The following EXD3 variants were observed in gnomAD, a reference collection of about 807,000 sequenced individuals.
EXD3 encodes the protein exonuclease mut-7 homolog.
EXD3 carries 92 observed loss-of-function variants against 98.0 expected under a neutral mutation model. That is an observed-to-expected ratio of 0.94 (90% CI 0.79 to 1.12). The LOEUF (loss-of-function observed/expected upper bound fraction) is 1.12, where lower values mean the gene tolerates loss of function less well. EXD3 is among the 50% of genes most tolerant of loss of function. EXD3 has a pLI of 0.00. For synonymous variants in EXD3, 569 were observed against 526.0 expected (o/e 1.08, Z -1.12); for missense variants, 1,222 against 1,191.6 (o/e 1.03, Z -0.38).
In EXD3 at chr9:137,373,404, G is replaced by A. The variant is rs1270932372; in HGVS notation, c.294+22C>T. On this transcript the variant is annotated intron_variant, in intron 4 of 21. Transcript: ENST00000340951. ...GGCAGGGGCAGGAAGGGAGGTGACTGTCACAGAACCCATGGGCTCACCTGG... is the reference window on the plus strand; with the variant it reads ...GGCAGGGGCAGGAAGGGAGGTGACTATCACAGAACCCATGGGCTCACCTGG... The A allele has an allele frequency of 3.7e-6, 6 of 1,601,146 alleles. No individual in the cohort carries two copies. The South Asian group carries it at 4.4e-5, about 12-fold the overall frequency.
At chr9:137,318,269 G>A (rs928690796) in intron 19 of EXD3, among the ~76,000 whole-genome samples, 2 of 152,082 alleles carry the variant, frequency 1.3e-5, no homozygotes, top group Admixed American at 6.5e-5. Context: ...CAGGGTCCCT[G>A]CCCAGCCCCA....
chr9:137,353,462 G>C lies in EXD3; in HGVS notation c.871-676C>G, dbSNP rs1320458179. The C allele has an allele frequency of 4.1e-6, 4 of 985,234 alleles. No homozygotes were observed. In the East Asian group the frequency reaches 4.5e-4, roughly 112 times the overall value. 61.0% of individuals were successfully genotyped at this position (985,234 alleles called of 1,614,324 possible). A position where few individuals can be genotyped will look rare whatever the true frequency, so the allele number is the denominator to read the frequency against. On this transcript the variant is annotated intron_variant, in intron 10 of 21. Coordinates refer to ENST00000340951, the MANE Select transcript of EXD3 (RefSeq NM_017820.5). ...CCTCCTCCTCATTATGTGGGGTTTG[G>C]CTGGCAGGGCTCAGGAGGCTATTGG... is the stretch of plus-strand genomic sequence containing the variant.
chr9:137,415,934 G>A (rs944657124), intron 1 of EXD3, among the ~76,000 whole-genome samples: 4 of 152,232 alleles, frequency 2.6e-5, no homozygotes, highest in African/African-American at 9.6e-5. Flanking sequence ...GCAGATGCAC[G>A]TGTGAGGGCC....
chr9:137,420,569 C>T (rs1360887899), intron 1 of EXD3, among the ~76,000 whole-genome samples: 2 of 152,132 alleles, frequency 1.3e-5, no homozygotes, highest in African/African-American at 2.4e-5. Flanking sequence ...TTTGAGGAAT[C>T]GAGGTTCGCT....
chr9:137,387,235 G>A (rs1245483685), intron 2 of EXD3, among the ~76,000 whole-genome samples: 1 of 152,150 alleles, frequency 6.6e-6, no homozygotes, highest in Non-Finnish European at 1.5e-5. Flanking sequence ...TGAGCCCCAG[G>A]GCAGTGACCG....
At chr9:137,318,323 A>AC (rs1414822464) in intron 19 of EXD3, among the ~76,000 whole-genome samples, 2 of 150,770 alleles carry the variant, frequency 1.3e-5, no homozygotes, top group East Asian at 2.0e-4. Context: ...GGCTGCCGGC[A>AC]CCCCCCCTCG....
intron 7 of EXD3, among the ~76,000 whole-genome samples, chr9:137,362,684 T>C (rs1296300583): frequency 1.3e-5 from 2 of 152,070 alleles, no homozygotes; most frequent in South Asian, 2.1e-4. Flanking sequence ...TTAACTTGGG[T>C]TGTTCATTTT....
intron 7 of EXD3, chr9:137,365,996 G>T: frequency 1.7e-6 from 1 of 575,298 alleles, no homozygotes. Flanking sequence ...ATGCACACCT[G>T]CAGGCACACA....
chr9:137,411,150 C>CCG (rs1837977833), intron 1 of EXD3, among the ~76,000 whole-genome samples: 1 of 152,194 alleles, frequency 6.6e-6, no homozygotes. Flanking sequence ...GCCGGCCCCC[C>CCG]GGGTGGGGAG....
Position 137,351,135 on chromosome 9 carries a change from A to C in EXD3, c.1397T>G (p.Val466Gly), listed in dbSNP as rs1458073614. 1.3e-6 allele frequency: 2 copies of C among 1,576,226 alleles called. No homozygotes were observed. The highest frequency in any genetic ancestry group is 8.6e-7 in the Non-Finnish European group (1 of 1,161,856). ...PSITKLGYGMVGDLQKLGTSC... is the reference protein window; with the variant it reads ...PSITKLGYGMGGDLQKLGTSC... ...CGTGCCCAGTTTTTGCAGGTCCCCCACCATCCCGTAGCCTGTGGGCAGGAA... is the reference window on the plus strand; with the variant it reads ...CGTGCCCAGTTTTTGCAGGTCCCCCCCCATCCCGTAGCCTGTGGGCAGGAA... The change falls in exon 14 of 22, where the codon GTG (valine) becomes GGG (glycine). Residue 466 changes from valine (V) to glycine (G), a missense_variant. Transcript: ENST00000340951.
chr9:137,367,774 A>C, intron 6 of EXD3, 162 bp downstream of exon 6: 1 of 628,124 alleles, frequency 1.6e-6, no homozygotes, highest in Non-Finnish European at 2.8e-6. Context: ...CATGAGGAGG[A>C]TGGTGGTTTA....
chr9:137,346,638 G>T (rs1833950351), intron 17 of EXD3, among the ~76,000 whole-genome samples: 1 of 152,352 alleles, frequency 6.6e-6, no homozygotes, highest in South Asian at 2.1e-4. Flanking sequence ...CTGAACCTTC[G>T]ACACTTTTAA....
At chr9:137,323,619 C>G (rs1471542286) in intron 19 of EXD3, 106 bp downstream of exon 19, 1 of 1,355,330 alleles carries the variant, frequency 7.4e-7, no homozygotes, top group East Asian at 2.5e-5. Flanking sequence ...TGCCGACACC[C>G]CACCCCAGAC....
chr9:137,398,445 C>T (rs1837314329), intron 1 of EXD3, among the ~76,000 whole-genome samples: 1 of 152,234 alleles, frequency 6.6e-6, no homozygotes, highest in Admixed American at 6.5e-5. Flanking sequence ...GCACCTCAGG[C>T]AGAACCGCAA....
rs1044886694 is a variant in EXD3, at chr9:137,371,368, C to T, written c.462+1537G>A. Among the ~76,000 whole-genome samples, 79 of 152,206 alleles carry T rather than the reference C, an allele frequency of 5.2e-4. No homozygotes were observed. The highest frequency in any genetic ancestry group is 7.2e-4 in the Admixed American group (11 of 15,302). ...CGGCCCCGGGCGTGGCAGGTGACAG[C>T]GCCAGGGGTGGGGCCCGCGCGGCCC... On this transcript the variant is annotated intron_variant, in intron 5 of 21. Coordinates refer to ENST00000340951, the MANE Select transcript of EXD3 (RefSeq NM_017820.5). This position sits in a 1 kb window ranked among gnomAD's most constrained non-coding sequence, Gnocchi z 8.0.
chr9:137,307,357 G>A, intron 21 of EXD3, 94 bp from the exon 22 acceptor site: 1 of 1,430,410 alleles, frequency 7.0e-7, no homozygotes, highest in South Asian at 1.5e-5. Context: ...CCCACGCTGA[G>A]CCCACGCTCA....
In EXD3 at chr9:137,349,347, TC is replaced by T; in HGVS notation, c.1657+21del. On this transcript the variant is annotated intron_variant, in intron 15 of 21. Coordinates refer to ENST00000340951, the MANE Select transcript of EXD3 (RefSeq NM_017820.5). The surrounding 1 kb of genome is among the most constrained non-coding windows in gnomAD (Gnocchi z 7.4). ...CGGGAGGGGCGTGAGGAGGGGTCAC[TC>T]CCACCCGCCGCACCGCACACCTGCG... 6.5e-7 allele frequency: 1 copy of T among 1,544,252 alleles called. No individual in the cohort carries two copies. Among genetic ancestry groups the T allele is most frequent in the South Asian group, 1.2e-5 (1 of 83,928 alleles).
chr9:137,369,153 G>T (rs1835452142), intron 5 of EXD3, among the ~76,000 whole-genome samples: 1 of 146,262 alleles, frequency 6.8e-6, no homozygotes, highest in Non-Finnish European at 1.5e-5. Flanking sequence ...CCGGGGCGGG[G>T]CCTCAGGGCC....
In EXD3 at chr9:137,349,457, C is replaced by T. The variant is rs768023385; in HGVS notation, c.1569G>A (p.Gln523=). ...TGTCCAGGGCTGTGCCCAGCACCTG[C>T]TGCACCAGGAGGCTCAGGCCCCTCA... ...RELRGLSLLV[Q]QVLGTALDKT... is the part of the protein sequence containing the mutation. Residue 523 remains glutamine (Q), a synonymous_variant, in exon 15 of 22, where the codon CAG becomes CAA. Transcript: ENST00000340951. This position sits in a 1 kb window ranked among gnomAD's most constrained non-coding sequence, Gnocchi z 7.4. 4 of 1,603,272 alleles carry T rather than the reference C, an allele frequency of 2.5e-6. No individual in the cohort carries two copies. In the Admixed American group the frequency reaches 6.7e-5, roughly 27 times the overall value.
Sources: allele counts gnomAD v4.1 joint callset (sites outside exome capture counted in the v4.1 genomes callset), GRCh38; gene constraint gnomAD v4.1.1; non-coding constraint Gnocchi (gnomAD v3.1); transcripts MANE v1.5; gene names NCBI Gene and HGNC (gene_info 2026-07-23, HGNC 2026-07-21).